The following GNPNAT1 variants were observed in gnomAD, a reference collection of about 807,000 sequenced individuals.
GNPNAT1 encodes the protein glucosamine-phosphate N-acetyltransferase 1, also known as glucosamine 6-phosphate N-acetyltransferase.
A neutral mutation model predicts 19.8 loss-of-function variants in GNPNAT1; 11 were observed. The ratio of observed to expected loss-of-function variants is 0.56; its 90% CI spans 0.35 to 0.92. The LOEUF is 0.92. GNPNAT1 is among the 40% of genes least tolerant of loss of function. The pLI, the probability that GNPNAT1 is intolerant of heterozygous loss-of-function variation, is 0.01. For synonymous variants in GNPNAT1, 71 were observed against 72.3 expected (o/e 0.98, Z 0.09); for missense variants, 157 against 211.0 (o/e 0.74, Z 1.59).
At chr14:52,781,490 C>T (rs1266565318) in intron 4 of GNPNAT1, among the ~76,000 whole-genome samples, 2 of 151,988 alleles carry the variant, frequency 1.3e-5, no homozygotes, top group South Asian at 2.1e-4. Context: ...TTTATGCTAA[C>T]GTGGTATATT....
chr14:52,780,396 G>T (rs997751559), intron 5 of GNPNAT1, among the ~76,000 whole-genome samples: 1 of 152,030 alleles, frequency 6.6e-6, no homozygotes, highest in East Asian at 1.9e-4. Context: ...AGGCAAATCC[G>T]ATTAGCCCAA....
Position 52,781,765 on chromosome 14 carries a change from AT to A in GNPNAT1, c.345+18del. The stretch of plus-strand genomic sequence containing the variant: ...GTGCTAGAAAACAGCTGTCCATTTT[AT>A]TTATAAGCAGCACATACCTTAGCAC... On this transcript the variant is annotated intron_variant, in intron 4 of 5. Transcript: ENST00000216410. 6.4e-7 allele frequency: 1 copy of A among 1,569,002 alleles called. No individual in the cohort carries two copies.
At chr14:52,788,152 ACT>A (rs958713000) in intron 1 of GNPNAT1, among the ~76,000 whole-genome samples, 9 of 151,718 alleles carry the variant, frequency 5.9e-5, no homozygotes, top group Non-Finnish European at 7.4e-5. Flanking sequence ...ACAGGGTTTT[ACT>A]CTGTTGCCCA....
At chr14:52,785,155 C>T (rs143891779) in intron 1 of GNPNAT1, among the ~76,000 whole-genome samples, 14,375 of 151,486 alleles carry the variant, frequency 0.095, 728 homozygotes, top group South Asian at 0.15. Context: ...CTCAAACTCC[C>T]GACCTCAGGT....
At chr14:52,783,966 C>G (rs1337168505) in intron 2 of GNPNAT1, among the ~76,000 whole-genome samples, 1 of 152,010 alleles carries the variant, frequency 6.6e-6, no homozygotes, top group African/African-American at 2.4e-5. Flanking sequence ...AACAGTGCAC[C>G]TGGAATTTTG....
At chr14:52,779,243 G>A (rs1415179890) in intron 5 of GNPNAT1, among the ~76,000 whole-genome samples, 1 of 151,882 alleles carries the variant, frequency 6.6e-6, no homozygotes, top group Non-Finnish European at 1.5e-5. Flanking sequence ...ACTCAAGATT[G>A]GTCTAATTAA....
At position 52,778,101 on chromosome 14, in the gene GNPNAT1, C is replaced by A; in HGVS notation, c.*210G>T. 1 of 332,644 alleles carries A rather than the reference C, an allele frequency of 3.0e-6. No homozygotes were observed. The highest frequency in any genetic ancestry group is 5.4e-6 in the Non-Finnish European group (1 of 184,574). 20.6% of individuals were successfully genotyped at this position (332,644 alleles called of 1,614,324 possible). A position where few individuals can be genotyped will look rare whatever the true frequency, so the allele number is the denominator to read the frequency against. ...TATATTCCTTTGGTTAAAAATCATC[C>A]CCTTTATAATATTCATTTGTAATCT... On this transcript the variant is annotated 3_prime_UTR_variant, in exon 6 of 6. Coordinates refer to ENST00000216410, the MANE Select transcript of GNPNAT1 (RefSeq NM_198066.4).
rs1049275397 is a variant in GNPNAT1 at position 52,775,941 on chromosome 14, G to T, written c.*2370C>A. The T allele has an allele frequency of 2.0e-5, 3 of 152,492 alleles. No individual in the cohort carries two copies. The highest frequency in any genetic ancestry group is 7.2e-5 in the African/African-American group (3 of 41,430). The allele number at this position is 152,492 out of a possible 1,614,324, so 9.4% of individuals were successfully genotyped here. A position where few individuals can be genotyped will look rare whatever the true frequency, so the allele number is the denominator to read the frequency against. On this transcript the variant is annotated 3_prime_UTR_variant, in exon 6 of 6. Transcript: ENST00000216410. ...ACCTGTCATCCAAGCACTTTGGGAG[G>T]CTGAGGTGGGAGGATCACTTGAGCC...
rs888060083 is a variant in GNPNAT1, at chr14:52,775,947, G to T, written c.*2364C>A. Reference sequence around the variant, plus strand: ...CATCCAAGCACTTTGGGAGGCTGAGGTGGGAGGATCACTTGAGCCTAGGAG... The same window carrying T: ...CATCCAAGCACTTTGGGAGGCTGAGTTGGGAGGATCACTTGAGCCTAGGAG... On this transcript the variant is annotated 3_prime_UTR_variant, in exon 6 of 6. Transcript: ENST00000216410. 1.3e-5 allele frequency: 2 copies of T among 152,558 alleles called. No individual in the cohort carries two copies. The highest frequency in any genetic ancestry group is 4.8e-5 in the African/African-American group (2 of 41,434). 9.5% of individuals were successfully genotyped at this position (152,558 alleles called of 1,614,324 possible). A position where few individuals can be genotyped will look rare whatever the true frequency, so the allele number is the denominator to read the frequency against.
chr14:52,788,979 G>A (rs1264554358), intron 1 of GNPNAT1, among the ~76,000 whole-genome samples: 1 of 152,144 alleles, frequency 6.6e-6, no homozygotes, highest in Non-Finnish European at 1.5e-5. Context: ...AACACTTATT[G>A]AAAACTTTCT....
intron 5 of GNPNAT1, among the ~76,000 whole-genome samples, chr14:52,778,793 G>A (rs1311958933): frequency 3.3e-5 from 5 of 152,064 alleles, no homozygotes; most frequent in African/African-American, 9.7e-5. Context: ...CGAGGCAGGC[G>A]ATCGCTAGAG....
In GNPNAT1 at chr14:52,776,584, T is replaced by A. The variant is rs1345243753; in HGVS notation, c.*1727A>T. 6.6e-6 allele frequency: 1 copy of A among 152,052 alleles called. No homozygotes were observed. The highest frequency in any genetic ancestry group is 1.9e-4 in the East Asian group (1 of 5,192). The allele number at this position is 152,052 out of a possible 1,614,324, so 9.4% of individuals were successfully genotyped here. A position where few individuals can be genotyped will look rare whatever the true frequency, so the allele number is the denominator to read the frequency against. On this transcript the variant is annotated 3_prime_UTR_variant, in exon 6 of 6. Coordinates refer to ENST00000216410, the MANE Select transcript of GNPNAT1 (RefSeq NM_198066.4). The stretch of plus-strand genomic sequence containing the variant: ...TTTTTTGTTTTGTTTTGAGATGGAG[T>A]CTCTCTCTGTCGCCAGGCTGGAGTG...
At chr14:52,780,802 T>C in intron 4 of GNPNAT1, 62 bp from the exon 5 acceptor site, 1 of 989,458 alleles carries the variant, frequency 1.0e-6, no homozygotes, top group South Asian at 1.4e-5. Flanking sequence ...CTAAAACGAG[T>C]TGGTAAGAAT....
chr14:52,782,811 T>C (rs1266776795), intron 3 of GNPNAT1, among the ~76,000 whole-genome samples: 1 of 152,066 alleles, frequency 6.6e-6, no homozygotes, highest in Non-Finnish European at 1.5e-5. Context: ...CCTCAGCTAT[T>C]AAATATTACT....
chr14:52,789,489 A>G (rs927320268), intron 1 of GNPNAT1, among the ~76,000 whole-genome samples: 1 of 152,226 alleles, frequency 6.6e-6, no homozygotes, highest in African/African-American at 2.4e-5. Context: ...CCAGGCAATC[A>G]GAAATTAACA....
chr14:52,778,918 G>A (rs1488538492), intron 5 of GNPNAT1, among the ~76,000 whole-genome samples: 1 of 152,102 alleles, frequency 6.6e-6, no homozygotes, highest in Non-Finnish European at 1.5e-5. Context: ...CAGAGGCTGA[G>A]GGGGGAAGAT....
chr14:52,779,754 A>G (rs1359406465), intron 5 of GNPNAT1, among the ~76,000 whole-genome samples: 2 of 146,948 alleles, frequency 1.4e-5, no homozygotes, highest in African/African-American at 5.0e-5. Flanking sequence ...AAAAAAACAT[A>G]AATTATATAG....
At position 52,783,453 on chromosome 14, in the gene GNPNAT1, T is replaced by G; in HGVS notation, c.187A>C (p.Thr63Pro). 1 of 1,611,182 alleles carries G rather than the reference T, an allele frequency of 6.2e-7. No homozygotes were observed. The highest frequency in any genetic ancestry group is 1.1e-5 in the South Asian group (1 of 90,934). ...FFKVLGQLTE[T>P]GVVSPEQFMK... The stretch of plus-strand genomic sequence containing the variant: ...AATTGTTCAGGGCTGACAACTCCAG[T>G]CTCTGTTAGCTGACCCAATACCTTA... The change falls in exon 3 of 6, where the codon ACT becomes CCT. Residue 63 changes from threonine to proline, a missense_variant. Transcript: ENST00000216410.
In GNPNAT1 at chr14:52,784,498, T is replaced by C; in HGVS notation, c.153A>G (p.Arg51=). Residue 51 remains arginine, a splice_region_variant and synonymous_variant, in exon 2 of 6, where the codon AGA becomes AGG. Coordinates refer to ENST00000216410, the MANE Select transcript of GNPNAT1 (RefSeq NM_198066.4). ...TTTACACAGGATTTTGTACATTACC[T>C]CTATTTAAGTCAGCAGTACAAAGAG... The part of the protein sequence containing the change: ...LRPLCTADLN[R]GFFKVLGQLT... The C allele has an allele frequency of 1.3e-6, 2 of 1,565,486 alleles. No homozygotes were observed. Among genetic ancestry groups the C allele is most frequent in the Non-Finnish European group, 1.7e-6 (2 of 1,162,852 alleles).
Sources: gnomAD v4.1 joint callset for allele counts (sites outside exome capture counted in the v4.1 genomes callset) on GRCh38, gnomAD v4.1.1 for gene constraint, MANE v1.5 for transcripts, NCBI Gene and HGNC (gene_info 2026-07-23, HGNC 2026-07-21) for gene names.